CDH23: variants seen among roughly 807,000 people sequenced by gnomAD.
The protein encoded by CDH23 is cadherin related 23.
A neutral mutation model predicts 317.1 loss-of-function variants in CDH23; 189 were observed. That is an observed-to-expected ratio of 0.60 (90% CI 0.53 to 0.67). The LOEUF is 0.67. Among genes scored for constraint, CDH23 ranks in the 30% least tolerant of loss-of-function variants. The probability of loss-of-function intolerance (pLI) is 0.00; values close to 1 mark genes in which losing one functional copy is unlikely to be tolerated. For synonymous variants in CDH23, 1,839 were observed against 1,876.8 expected, an observed-to-expected ratio of 0.98 and a Z score of 0.52; for missense variants, 4,401 against 4,592.4, an observed-to-expected ratio of 0.96 and a Z score of 1.20.
At chr10:71,577,830 G>A (rs1401711827) in intron 8 of CDH23, 84 bp from the exon 9 acceptor site, 27 of 1,180,706 alleles carry the variant, frequency 2.3e-5, no homozygotes, top group Non-Finnish European at 2.7e-5. Context: ...AGCCTGGGGA[G>A]GGAAGCTGTG....
chr10:71,667,835 C>T (rs1224504430), intron 14 of CDH23, among the ~76,000 whole-genome samples: 1 of 152,060 alleles, frequency 6.6e-6, no homozygotes, highest in Non-Finnish European at 1.5e-5. Flanking sequence ...GCGCTGAGCA[C>T]CAGAGGGCCG....
At position 71,439,576 on chromosome 10, in the gene CDH23, A is replaced by G. The variant is rs10740381; in HGVS notation, c.-5-251A>G. On this transcript the variant is annotated intron_variant, in intron 1 of 69. Transcript: ENST00000224721. ...TCCCCCAGGAGGGCAAAGAGGACCCAATAGGCCCCAGCCTCACCCAGTGAC... is the reference window on the plus strand; with the variant it reads ...TCCCCCAGGAGGGCAAAGAGGACCCGATAGGCCCCAGCCTCACCCAGTGAC... 0.85 allele frequency among the ~76,000 whole-genome samples: 129,203 copies of G among 152,222 alleles called. 55,290 individuals carry two copies. The highest frequency in any genetic ancestry group is 0.95 in the African/African-American group (39,367 of 41,546).
chr10:71,496,125 G>C (rs569854343), intron 3 of CDH23, among the ~76,000 whole-genome samples: 1 of 152,326 alleles, frequency 6.6e-6, no homozygotes, highest in South Asian at 2.1e-4. Flanking sequence ...ATTTATATCA[G>C]AATACTGCTG....
At chr10:71,637,830 C>A (rs1862347647) in intron 11 of CDH23, among the ~76,000 whole-genome samples, 1 of 151,718 alleles carries the variant, frequency 6.6e-6, no homozygotes, top group Non-Finnish European at 1.5e-5. Flanking sequence ...CTTGCCCCAG[C>A]ATCCCCCTAC....
chr10:71,439,392 C>T (rs1256052603), intron 1 of CDH23, among the ~76,000 whole-genome samples: 2 of 152,204 alleles, frequency 1.3e-5, no homozygotes, highest in Non-Finnish European at 2.9e-5. Flanking sequence ...GCTGTCTTCC[C>T]GGTCAGTGCC....
At chr10:71,723,810 G>A (rs1435693999) in intron 28 of CDH23, among the ~76,000 whole-genome samples, 6 of 152,116 alleles carry the variant, frequency 3.9e-5, no homozygotes, top group African/African-American at 9.7e-5. Context: ...GAGGAGGATC[G>A]GGGCAGAGCT....
chr10:71,748,808 C>A (rs545141774), intron 38 of CDH23: 2 of 152,792 alleles, frequency 1.3e-5, no homozygotes, highest in South Asian at 2.1e-4. Flanking sequence ...CAGAGGGCGG[C>A]TCCAGCAGCC....
intron 1 of CDH23, among the ~76,000 whole-genome samples, chr10:71,429,985 C>T (rs540458885): frequency 2.0e-5 from 3 of 152,246 alleles, no homozygotes; most frequent in South Asian, 2.1e-4. Flanking sequence ...AAGGTGGCTT[C>T]GTAGATGAAG....
Position 71,784,349 on chromosome 10 carries a change from C to T in CDH23, c.5431C>T (p.Arg1811Trp), listed in dbSNP as rs370391659. 2.4e-5 allele frequency: 39 copies of T among 1,613,912 alleles called. 1 individual carries two copies. The highest frequency in any genetic ancestry group is 3.3e-5 in the Admixed American group (2 of 60,016). ...GGTCCGGAAGGACGTGGAGCTGGAC[C>T]GGGAGACCATCGCCTTCTACAACCT... ...LRVRKDVELD[R>W]ETIAFYNLTI... Residue 1811 changes from arginine to tryptophan, a missense_variant, in exon 42 of 70, where the codon CGG becomes TGG. Coordinates refer to ENST00000224721, the MANE Select transcript of CDH23 (RefSeq NM_022124.6).
rs145077441 is a variant in CDH23, at chr10:71,458,082, C to G, written c.145+11687C>G. 3.3e-3 allele frequency among the ~76,000 whole-genome samples: 501 copies of G among 152,350 alleles called. 3 individuals are homozygous for G. Among genetic ancestry groups the G allele is most frequent in the African/African-American group, 0.01 (435 of 41,588 alleles). On this transcript the variant is annotated intron_variant, in intron 3 of 69. Transcript: ENST00000224721. Reference sequence around the variant, plus strand: ...GTGTAATTTACAAGAGCTGAATACCCTCCAGCTGGCTGAGGAGACGGGCAG... The same window carrying G: ...GTGTAATTTACAAGAGCTGAATACCGTCCAGCTGGCTGAGGAGACGGGCAG...
intron 9 of CDH23, among the ~76,000 whole-genome samples, chr10:71,596,906 G>A (rs938037195): frequency 4.0e-5 from 6 of 151,522 alleles, no homozygotes; most frequent in Middle Eastern, 3.4e-3. Context: ...CCACCTCCCC[G>A]CTGCCCGGCA....
At chr10:71,685,524 A>G (rs1442946215) in intron 18 of CDH23, among the ~76,000 whole-genome samples, 1 of 152,200 alleles carries the variant, frequency 6.6e-6, no homozygotes, top group African/African-American at 2.4e-5. Context: ...GGGACCACAG[A>G]GGAGGTGGGT....
chr10:71,507,715 A>C (rs1435276807), intron 3 of CDH23, among the ~76,000 whole-genome samples: 2 of 152,220 alleles, frequency 1.3e-5, no homozygotes, highest in South Asian at 4.1e-4. Context: ...TTAATTAATC[A>C]ATCAAATGCT....
intron 6 of CDH23, among the ~76,000 whole-genome samples, chr10:71,540,509 G>A (rs550114255): frequency 2.9e-4 from 44 of 152,198 alleles, no homozygotes; most frequent in Non-Finnish European, 4.7e-4. Flanking sequence ...CAAACCACAC[G>A]TGCTGTTGGT....
intron 27 of CDH23, among the ~76,000 whole-genome samples, chr10:71,709,863 G>A (rs1196830410): frequency 1.3e-5 from 2 of 152,186 alleles, no homozygotes; most frequent in African/African-American, 2.4e-5. Context: ...CCACGTGGCT[G>A]GGGAGGCCAC....
At chr10:71,467,213 C>T (rs1375399720) in intron 3 of CDH23, among the ~76,000 whole-genome samples, 1 of 152,182 alleles carries the variant, frequency 6.6e-6, no homozygotes. Context: ...AGACCTGAAC[C>T]TCAGTTCAGT....
intron 14 of CDH23, among the ~76,000 whole-genome samples, chr10:71,667,897 A>G (rs1271396477): frequency 1.3e-5 from 2 of 152,094 alleles, no homozygotes; most frequent in African/African-American, 4.8e-5. Context: ...GGGGGACTAC[A>G]TGAGAGGGTG....
At chr10:71,642,591 G>A (rs1589289723) in intron 11 of CDH23, among the ~76,000 whole-genome samples, 2 of 151,984 alleles carry the variant, frequency 1.3e-5, no homozygotes, top group South Asian at 4.2e-4. Flanking sequence ...GTAAAGACGG[G>A]GTTTCACCAT....
chr10:71,793,133 T>G, intron 47 of CDH23, 49 bp from the exon 48 acceptor site: 2 of 1,415,424 alleles, frequency 1.4e-6, no homozygotes, highest in African/African-American at 1.4e-5. Flanking sequence ...GGTAGATCTT[T>G]CTGGAAGAGG....
Sources: allele counts gnomAD v4.1 joint callset (sites outside exome capture counted in the v4.1 genomes callset), GRCh38; gene constraint gnomAD v4.1.1; transcripts MANE v1.5; gene names NCBI Gene and HGNC (gene_info 2026-07-23, HGNC 2026-07-21).